Variants in DLGAP1 observed in about 807,000 individuals in gnomAD.
DLGAP1 encodes disks large-associated protein 1.
DLGAP1 carries 11 observed loss-of-function variants against 90.8 expected under a neutral mutation model. The observed-to-expected ratio is 0.12, with a 90% confidence interval of 0.08 to 0.20. The LOEUF is 0.20. DLGAP1 is among the 10% of genes least tolerant of loss of function. The probability of loss-of-function intolerance (pLI) is 1.00; values close to 1 mark genes in which losing one functional copy is unlikely to be tolerated. For synonymous variants in DLGAP1, 558 were observed against 540.7 expected (o/e 1.03, Z -0.44); for missense variants, 1,050 against 1,333.8 (o/e 0.79, Z 3.31).
chr18:4,150,163 C>T (rs2076651174), intron 2 of DLGAP1, among the ~76,000 whole-genome samples: 1 of 152,156 alleles, frequency 6.6e-6, no homozygotes, highest in South Asian at 2.1e-4. Context: ...TGGATCAGCT[C>T]CCTAATAAAT....
At chr18:4,103,135 C>T (rs1325940999) in intron 2 of DLGAP1, among the ~76,000 whole-genome samples, 1 of 152,180 alleles carries the variant, frequency 6.6e-6, no homozygotes, top group Non-Finnish European at 1.5e-5. Context: ...TCCCTTTCTT[C>T]TTCCTCAGAT....
chr18:3,725,832 T>C (rs36050078), intron 7 of DLGAP1, among the ~76,000 whole-genome samples: 12,450 of 152,262 alleles, frequency 0.082, 645 homozygotes, highest in Admixed American at 0.16. Context: ...CTTGCTCACC[T>C]ACTAATACCT....
chr18:3,659,394 TACACACACACAC>T (rs71366699), intron 7 of DLGAP1, among the ~76,000 whole-genome samples: 52 of 102,158 alleles, frequency 5.1e-4, no homozygotes, highest in East Asian at 1.2e-3. Context: ...CATACATTTA[TACACACACACAC>T]ACACACACAC....
intron 1 of DLGAP1, among the ~76,000 whole-genome samples, chr18:4,247,986 A>G (rs568628071): frequency 3.2e-4 from 49 of 152,272 alleles, no homozygotes; most frequent in Admixed American, 3.1e-3. Context: ...TATGCCAGTG[A>G]CAAAGCAAAA....
chr18:4,050,771 T>C (rs944196496), intron 2 of DLGAP1, among the ~76,000 whole-genome samples: 5 of 152,220 alleles, frequency 3.3e-5, no homozygotes, highest in African/African-American at 1.2e-4. Context: ...TGAATCCAAG[T>C]GGGGAGGTAG....
chr18:3,619,004 G>A (rs182305219), intron 7 of DLGAP1, among the ~76,000 whole-genome samples: 4 of 152,020 alleles, frequency 2.6e-5, no homozygotes, highest in East Asian at 1.9e-4. Context: ...TATGACTGGC[G>A]TCCTTCTAAG....
chr18:4,379,687 GTGT>G (rs2082078953), intron 1 of DLGAP1, among the ~76,000 whole-genome samples: 1 of 152,128 alleles, frequency 6.6e-6, no homozygotes, highest in African/African-American at 2.4e-5. Flanking sequence ...CAGAGGTAAA[GTGT>G]TGTATTTCTT....
chr18:4,373,906 A>G (rs550890147), intron 1 of DLGAP1, among the ~76,000 whole-genome samples: 1 of 152,246 alleles, frequency 6.6e-6, no homozygotes, highest in South Asian at 2.1e-4. Context: ...TCTGTTTTGG[A>G]TATATTGTTT....
intron 1 of DLGAP1, among the ~76,000 whole-genome samples, chr18:4,329,509 G>A (rs1279009037): frequency 6.6e-6 from 1 of 151,706 alleles, no homozygotes; most frequent in Non-Finnish European, 1.5e-5. Flanking sequence ...AGAATTAAGT[G>A]GTCAATCTAC....
At chr18:3,767,096 T>A (rs1049168906) in intron 5 of DLGAP1, among the ~76,000 whole-genome samples, 2 of 152,046 alleles carry the variant, frequency 1.3e-5, no homozygotes, top group African/African-American at 4.8e-5. Context: ...TCACTAGAGA[T>A]TCTGCAGGTA....
At chr18:3,598,633 A>G (rs1238860539) in intron 7 of DLGAP1, among the ~76,000 whole-genome samples, 3 of 151,586 alleles carry the variant, frequency 2.0e-5, no homozygotes, top group Non-Finnish European at 4.4e-5. Flanking sequence ...CCGCCCAGCT[A>G]ATTTTTGTAT....
intron 2 of DLGAP1, among the ~76,000 whole-genome samples, chr18:4,017,038 T>A (rs2074535009): frequency 6.6e-6 from 1 of 152,076 alleles, no homozygotes; most frequent in Admixed American, 6.5e-5. Flanking sequence ...GAATAAGAGG[T>A]GAGAATTTTC....
chr18:4,290,838 A>C (rs891822494), intron 1 of DLGAP1, among the ~76,000 whole-genome samples: 1 of 152,142 alleles, frequency 6.6e-6, no homozygotes, highest in African/African-American at 2.4e-5. Context: ...CATGTGGTCT[A>C]TCTTTTTCAC....
chr18:3,515,875 C>A (rs1476279160), intron 10 of DLGAP1, among the ~76,000 whole-genome samples: 1 of 151,682 alleles, frequency 6.6e-6, no homozygotes, highest in Non-Finnish European at 1.5e-5. Context: ...CCTTTGTGGT[C>A]ATTTCAACAG....
chr18:3,825,769 A>T (rs191877820), intron 4 of DLGAP1, among the ~76,000 whole-genome samples: 152 of 152,328 alleles, frequency 1.0e-3, no homozygotes, highest in Non-Finnish European at 1.7e-3. Flanking sequence ...CAGCAATCAT[A>T]GTACTGAGTA....
intron 2 of DLGAP1, among the ~76,000 whole-genome samples, chr18:4,081,582 G>T (rs543567690): frequency 5.5e-4 from 83 of 152,240 alleles, no homozygotes; most frequent in African/African-American, 1.8e-3. Flanking sequence ...GGATGAAGTT[G>T]TCTCATCTGC....
intron 9 of DLGAP1, among the ~76,000 whole-genome samples, chr18:3,545,070 ACCAATCTGG>A (rs1326038657): frequency 1.3e-5 from 2 of 152,016 alleles, no homozygotes; most frequent in Non-Finnish European, 2.9e-5. Flanking sequence ...GGAGTTCGAG[ACCAATCTGG>A]CCTGGCCAAC....
chr18:3,931,839 C>G lies in DLGAP1; in HGVS notation c.-72-51699G>C, dbSNP rs1431511699. Among the ~76,000 whole-genome samples, 4 of 152,212 alleles carry G rather than the reference C, an allele frequency of 2.6e-5. No individual in the cohort carries two copies. In the East Asian group the frequency reaches 5.8e-4, roughly 22 times the overall value. On this transcript the variant is annotated intron_variant, in intron 3 of 12. Transcript: ENST00000315677. ...GCAAGTGTGGCCTATAAATATAGCACCCAGTAAGGAATTTGGGAGTTCACA... is the reference window on the plus strand; with the variant it reads ...GCAAGTGTGGCCTATAAATATAGCAGCCAGTAAGGAATTTGGGAGTTCACA...
intron 3 of DLGAP1, among the ~76,000 whole-genome samples, chr18:3,928,346 A>G (rs755195822): frequency 6.6e-6 from 1 of 152,232 alleles, no homozygotes; most frequent in Non-Finnish European, 1.5e-5. Context: ...ATTTGAACAT[A>G]GAGACATATT....
Sources: gnomAD v4.1 joint callset for allele counts (sites outside exome capture counted in the v4.1 genomes callset) on GRCh38, gnomAD v4.1.1 for gene constraint, MANE v1.5 for transcripts, NCBI Gene and HGNC (gene_info 2026-07-23, HGNC 2026-07-21) for gene names.